SNRPN: variants seen among roughly 807,000 people sequenced by gnomAD.
SNRPN encodes the protein small nuclear ribonucleoprotein polypeptide N, also known as small nuclear ribonucleoprotein-associated protein N.
A neutral mutation model predicts 25.2 loss-of-function variants in SNRPN; 7 were observed. That is an observed-to-expected ratio of 0.28 (90% CI 0.16 to 0.52). The LOEUF is 0.52. Ranked by LOEUF, SNRPN falls within the 20% of genes least tolerant of loss-of-function variation. SNRPN has a pLI of 0.96. For missense variants in SNRPN, 196 were observed against 322.5 expected (o/e 0.61, Z 3.00); for synonymous variants, 124 against 110.6 (o/e 1.12, Z -0.76).
At chr15:24,887,566 G>A (rs1259291827) in intron 2 of SNRPN, among the ~76,000 whole-genome samples, 2 of 152,090 alleles carry the variant, frequency 1.3e-5, no homozygotes, top group Non-Finnish European at 2.9e-5. Flanking sequence ...CACTTTGGGA[G>A]GCCGAGGCAG....
intron 3 of SNRPN, among the ~76,000 whole-genome samples, chr15:24,946,824 C>T (rs962158327): frequency 1.3e-5 from 2 of 151,964 alleles, no homozygotes; most frequent in African/African-American, 4.8e-5. Flanking sequence ...GGATCTAGTC[C>T]TGAATCCAGA....
rs200334709 is a variant in SNRPN, at chr15:24,976,886, G to T, written c.277G>T (p.Ala93Ser). The T allele has an allele frequency of 9.3e-6, 15 of 1,608,038 alleles. No homozygotes were observed. Among genetic ancestry groups the T allele is most frequent in the African/African-American group, 1.3e-5 (1 of 74,548 alleles). Residue 93 changes from alanine (A) to serine (S), a missense_variant, in exon 7 of 10, where the codon GCT becomes TCT. Ala to Ser is a moderately conservative substitution (Grantham distance 99). Coordinates refer to ENST00000390687, the MANE Select transcript of SNRPN (RefSeq NM_003097.6). ...AATTTTCTTGTTTCAGACTGGCATT[G>T]CTCGGGTACCACTTGCTGGAGCTGC... ...EGPPPKDTGI[A>S]RVPLAGAAGG...
intron 3 of SNRPN, among the ~76,000 whole-genome samples, chr15:24,970,981 A>G (rs1182006661): frequency 2.6e-5 from 4 of 152,158 alleles, no homozygotes; most frequent in Admixed American, 2.0e-4. Context: ...TTAAATTTTA[A>G]CAGATCAATA....
At chr15:24,953,147 G>A (rs1324018003), upstream of SNRPN, among the ~76,000 whole-genome samples, 1 of 152,044 alleles carries the variant, frequency 6.6e-6, no homozygotes, top group Non-Finnish European at 1.5e-5. Context: ...TACAGATTAG[G>A]AATTTAATGC....
chr15:24,931,684 A>G (rs2060867822), intron 3 of SNRPN, among the ~76,000 whole-genome samples: 1 of 151,982 alleles, frequency 6.6e-6, no homozygotes, highest in Admixed American at 6.6e-5. Flanking sequence ...ACAAAAATAC[A>G]AAAATTAGCA....
At chr15:24,829,443 G>C (rs1450102635) in intron 1 of SNRPN, among the ~76,000 whole-genome samples, 1 of 152,076 alleles carries the variant, frequency 6.6e-6, no homozygotes, top group Middle Eastern at 3.2e-3. Flanking sequence ...ATGAGAAGAG[G>C]GTGGTGGGTT....
At chr15:24,952,504 C>G (rs1024104894), upstream of SNRPN, among the ~76,000 whole-genome samples, 19 of 152,186 alleles carry the variant, frequency 1.2e-4, no homozygotes, top group African/African-American at 4.6e-4. Flanking sequence ...CTATTATTAA[C>G]TAACATAAAA....
rs537725970 is a variant in SNRPN, at chr15:24,904,609, C to G, written c.-504-15402C>G. On this transcript the variant is annotated intron_variant, in intron 2 of 11. Coordinates refer to the SNRPN transcript ENST00000400097. ...GGCAGAGGTTGCAGTGAGCCAAGATCGGGCCACTGCACTCCAGCCTGGGCA... is the reference window on the plus strand; with the variant it reads ...GGCAGAGGTTGCAGTGAGCCAAGATGGGGCCACTGCACTCCAGCCTGGGCA... Among the ~76,000 whole-genome samples, 10 of 152,052 alleles carry G rather than the reference C, an allele frequency of 6.6e-5. No homozygotes were observed. The East Asian group carries it at 1.9e-3, about 30-fold the overall frequency.
chr15:24,895,374 A>G (rs796380452), intron 2 of SNRPN, among the ~76,000 whole-genome samples: 2 of 147,920 alleles, frequency 1.4e-5, no homozygotes, highest in African/African-American at 5.0e-5. Flanking sequence ...ATATATTGTC[A>G]GAGCATTACA....
At chr15:24,968,170 A>T (rs995848815) in intron 3 of SNRPN, 88 bp downstream of exon 3, 13 of 811,808 alleles carry the variant, frequency 1.6e-5, no homozygotes, top group Middle Eastern at 2.4e-4. Flanking sequence ...TGACACATTA[A>T]TTTTTTTCCT....
At chr15:24,925,416 C>T (rs1300384199) in intron 3 of SNRPN, among the ~76,000 whole-genome samples, 2 of 151,874 alleles carry the variant, frequency 1.3e-5, no homozygotes, top group Admixed American at 1.3e-4. Flanking sequence ...TCGAGACCAG[C>T]CTGGGTAACA....
chr15:24,971,395 A>G (rs1166264719), intron 3 of SNRPN, among the ~76,000 whole-genome samples: 1 of 152,208 alleles, frequency 6.6e-6, no homozygotes, highest in African/African-American at 2.4e-5. Flanking sequence ...ACTACATTGT[A>G]TCACATTTAG....
intron 1 of SNRPN, among the ~76,000 whole-genome samples, chr15:24,828,680 T>C (rs953508062): frequency 5.3e-5 from 8 of 152,126 alleles, no homozygotes; most frequent in Admixed American, 2.0e-4. Context: ...CAACTATGAA[T>C]ATCCATTGCA....
At chr15:24,902,704 C>T (rs1249146481) in intron 2 of SNRPN, among the ~76,000 whole-genome samples, 1 of 152,204 alleles carries the variant, frequency 6.6e-6, no homozygotes, top group Non-Finnish European at 1.5e-5. Context: ...AGTGTTACAG[C>T]TCTCAGTCCG....
intron 3 of SNRPN, among the ~76,000 whole-genome samples, chr15:24,939,286 A>T (rs1400039372): frequency 6.6e-6 from 1 of 152,086 alleles, no homozygotes; most frequent in African/African-American, 2.4e-5. Context: ...AATGGGTGTG[A>T]AGTGGTATCT....
At chr15:24,975,215 A>C in intron 4 of SNRPN, 143 bp from the exon 5 acceptor site, 4 of 675,320 alleles carry the variant, frequency 5.9e-6, no homozygotes, top group Middle Eastern at 2.5e-4. Flanking sequence ...TAAATATGGA[A>C]GAATGTTGGT....
At chr15:24,878,423 C>A (rs1163346769) in intron 1 of SNRPN, among the ~76,000 whole-genome samples, 1 of 152,234 alleles carries the variant, frequency 6.6e-6, no homozygotes, top group Non-Finnish European at 1.5e-5. Context: ...ATCTTCGGCG[C>A]GCCTGCACAG....
intron 2 of SNRPN, among the ~76,000 whole-genome samples, chr15:24,841,711 C>T (rs1023226883): frequency 1.3e-5 from 2 of 152,198 alleles, no homozygotes; most frequent in Admixed American, 6.5e-5. Flanking sequence ...AGCCACACTG[C>T]GTAAGATTTC....
At chr15:24,887,655 C>T (rs1262910006) in intron 2 of SNRPN, among the ~76,000 whole-genome samples, 3 of 152,036 alleles carry the variant, frequency 2.0e-5, no homozygotes, top group Non-Finnish European at 4.4e-5. Context: ...AAAATGTAAC[C>T]GAAAATTAAA....
Sources: gnomAD v4.1 joint callset for allele counts (sites outside exome capture counted in the v4.1 genomes callset) on GRCh38, gnomAD v4.1.1 for gene constraint, MANE v1.5 for transcripts, NCBI Gene and HGNC (gene_info 2026-07-23, HGNC 2026-07-21) for gene names.